Variants in CYP4X1 observed in about 807,000 individuals in gnomAD.
The protein encoded by CYP4X1 is cytochrome P450 4X1.
In CYP4X1, 44 loss-of-function variants were observed where a neutral mutation model predicts 57.9. The ratio of observed to expected loss-of-function variants is 0.76; its 90% CI spans 0.60 to 0.98. The LOEUF (loss-of-function observed/expected upper bound fraction) is 0.98. Among genes scored for constraint, CYP4X1 ranks in the 50% least tolerant of loss-of-function variants. CYP4X1 has a pLI of 0.00. For synonymous variants in CYP4X1, 227 were observed against 228.6 expected, an observed-to-expected ratio of 0.99 and a Z score of 0.06; for missense variants, 532 against 623.9, an observed-to-expected ratio of 0.85 and a Z score of 1.57.
chr1:47,033,582 T>G (rs1187836749), intron 4 of CYP4X1, among the ~76,000 whole-genome samples: 1 of 152,198 alleles, frequency 6.6e-6, no homozygotes, highest in Non-Finnish European at 1.5e-5. Flanking sequence ...CTGTCTTAGA[T>G]ATATTTTGAG....
the CYP4X1 span, among the ~76,000 whole-genome samples, chr1:46,963,409 C>G: frequency 0.6 from 89,825 of 148,760 alleles, 28,626 homozygotes; most frequent in Non-Finnish European, 0.72. Context: ...TCCTTTCCAT[C>G]TTTAGTGCTT....
At chr1:47,008,754 AG>A in the CYP4X1 span, among the ~76,000 whole-genome samples, 1 of 152,326 alleles carries the variant, frequency 6.6e-6, no homozygotes, top group African/African-American at 2.4e-5. Context: ...GGAAACAAAA[AG>A]GCAGGGGTTG....
At chr1:46,961,462 G>A in the CYP4X1 span, 2 of 910,690 alleles carry the variant, frequency 2.2e-6, no homozygotes, top group Non-Finnish European at 2.9e-6. Context: ...CACCCACTCT[G>A]GTTTGAACCG....
chr1:47,053,873 A>G (rs536121752), downstream of CYP4X1, among the ~76,000 whole-genome samples: 233 of 152,258 alleles, frequency 1.5e-3, 1 homozygote, highest in African/African-American at 5.3e-3. Context: ...TAGGTTGCCC[A>G]TTCAGTGTGA....
At chr1:46,994,811 G>T in the CYP4X1 span, among the ~76,000 whole-genome samples, 1 of 152,164 alleles carries the variant, frequency 6.6e-6, no homozygotes, top group Non-Finnish European at 1.5e-5. Flanking sequence ...ATGCCAGATG[G>T]GGGGCACAGC....
chr1:47,023,851 C>T lies in CYP4X1; in HGVS notation c.34C>T (p.Arg12Trp), dbSNP rs535058800. The stretch of plus-strand genomic sequence containing the variant: ...CTCCTGGCTGGAGACGCGCTGGGCG[C>T]GGCCCTTTTACCTGGCGTTCGTGTT... ...EFSWLETRWA[R>W]PFYLAFVFCL... The change falls in exon 1 of 12, where the codon CGG (arginine) becomes TGG (tryptophan). Residue 12 changes from arginine (R) to tryptophan (W), a missense_variant. By Grantham distance (101) the Arg-to-Trp change is moderately radical. Transcript: ENST00000371901. 6.2e-7 allele frequency: 1 copy of T among 1,613,492 alleles called. No homozygotes were observed. The highest frequency in any genetic ancestry group is 8.5e-7 in the Non-Finnish European group (1 of 1,179,950).
chr1:47,024,533 C>T (rs937330356), intron 1 of CYP4X1, among the ~76,000 whole-genome samples: 2 of 152,082 alleles, frequency 1.3e-5, no homozygotes, highest in African/African-American at 2.4e-5. Context: ...TTTGGTCTCT[C>T]CCGTTTTTTA....
In CYP4X1 at chr1:47,035,813, G is replaced by A. The variant is rs1165737044; in HGVS notation, c.500G>A (p.Trp167Ter). The A allele has an allele frequency of 6.2e-7, 1 of 1,612,416 alleles. No homozygotes were observed. Among genetic ancestry groups the A allele is most frequent in the East Asian group, 2.2e-5 (1 of 44,856 alleles). ...CTTGACCTCCTGTGCCAGGATAAGT[G>A]GGAGAAGATTTGCAGCACTCAGGAC... ...AHSVKMMLDK[W>*]EKICSTQDTS... Residue 167 changes from tryptophan to a stop codon, truncating the protein, a stop_gained, in exon 5 of 12, where the codon TGG becomes TAG. Transcript: ENST00000371901. LOFTEE classifies it high-confidence loss of function.
chr1:46,993,146 T>C, the CYP4X1 span, among the ~76,000 whole-genome samples: 11 of 141,164 alleles, frequency 7.8e-5, no homozygotes, highest in African/African-American at 2.9e-4. Flanking sequence ...TGTGTTCTCA[T>C]TGTTCAATTC....
At chr1:46,968,825 C>G in the CYP4X1 span, among the ~76,000 whole-genome samples, 1 of 152,172 alleles carries the variant, frequency 6.6e-6, no homozygotes, top group Non-Finnish European at 1.5e-5. Flanking sequence ...TCTTTGTTTT[C>G]CCATCATGGT....
intron 8 of CYP4X1, among the ~76,000 whole-genome samples, chr1:47,041,326 A>G (rs1476167233): frequency 6.6e-6 from 1 of 152,166 alleles, no homozygotes; most frequent in African/African-American, 2.4e-5. Context: ...GAATTGCTGC[A>G]TCATATGGTA....
the CYP4X1 span, among the ~76,000 whole-genome samples, chr1:47,007,293 C>T: frequency 1.6e-3 from 248 of 152,268 alleles, 2 homozygotes; most frequent in African/African-American, 5.4e-3. Context: ...CTGCAGCCAC[C>T]GCTGCTGATA....
chr1:47,005,072 G>A, the CYP4X1 span, among the ~76,000 whole-genome samples: 20 of 152,122 alleles, frequency 1.3e-4, no homozygotes, highest in African/African-American at 4.8e-4. Flanking sequence ...TAAGGTCAGA[G>A]ACATCTGATA....
chr1:47,018,159 T>C, the CYP4X1 span, among the ~76,000 whole-genome samples: 1 of 151,974 alleles, frequency 6.6e-6, no homozygotes, highest in African/African-American at 2.4e-5. Flanking sequence ...GACCCAATAA[T>C]GAGATGAAGA....
At chr1:47,031,848 C>A (rs1236775354) in intron 3 of CYP4X1, among the ~76,000 whole-genome samples, 1 of 152,154 alleles carries the variant, frequency 6.6e-6, no homozygotes, top group Non-Finnish European at 1.5e-5. Context: ...TCAAGACCAG[C>A]TGGGCCAACA....
At chr1:47,010,132 C>T in the CYP4X1 span, among the ~76,000 whole-genome samples, 2 of 152,158 alleles carry the variant, frequency 1.3e-5, 1 homozygote, top group South Asian at 4.1e-4. Context: ...AGACCAATAT[C>T]CCTGATGAAC....
At chr1:47,033,036 T>A (rs1334218641) in intron 3 of CYP4X1, among the ~76,000 whole-genome samples, 1 of 152,182 alleles carries the variant, frequency 6.6e-6, no homozygotes, top group African/African-American at 2.4e-5. Context: ...CTCACAATAT[T>A]AAATACATCC....
the CYP4X1 span, among the ~76,000 whole-genome samples, chr1:47,016,948 G>GTGATGTTTGTCTTTCTGTGCC: frequency 6.6e-6 from 1 of 151,144 alleles, no homozygotes; most frequent in African/African-American, 2.5e-5. Flanking sequence ...GTGAGAACAT[G>GTGATGTTTGTCTTTCTGTGCC]TGATGTTTGT....
At chr1:46,982,693 C>A in the CYP4X1 span, among the ~76,000 whole-genome samples, 5 of 152,146 alleles carry the variant, frequency 3.3e-5, no homozygotes, top group Non-Finnish European at 7.3e-5. Context: ...AGCATAATGG[C>A]CAGTAGGTAG....
Sources: allele counts gnomAD v4.1 joint callset (sites outside exome capture counted in the v4.1 genomes callset), GRCh38; gene constraint gnomAD v4.1.1; transcripts MANE v1.5; gene names NCBI Gene and HGNC (gene_info 2026-07-23, HGNC 2026-07-21).